Variants in AGBL4 observed in about 807,000 individuals in gnomAD.
AGBL4 encodes the protein AGBL carboxypeptidase 4, also known as cytosolic carboxypeptidase 6.
AGBL4 carries 58 observed loss-of-function variants against 66.4 expected under a neutral mutation model. That is an observed-to-expected ratio of 0.87 (90% confidence interval 0.71 to 1.09). The LOEUF (loss-of-function observed/expected upper bound fraction) is 1.09, where lower values mean the gene tolerates loss of function less well. AGBL4 is among the 50% of genes least tolerant of loss of function. The pLI, the probability that AGBL4 is intolerant of heterozygous loss-of-function variation, is 0.00. For synonymous variants in AGBL4, 234 were observed against 222.9 expected (o/e 1.05, Z -0.44); for missense variants, 579 against 631.0 (o/e 0.92, Z 0.88).
At chr1:49,044,776 A>T (rs1175657405) in intron 5 of AGBL4, among the ~76,000 whole-genome samples, 1 of 152,180 alleles carries the variant, frequency 6.6e-6, no homozygotes, top group African/African-American at 2.4e-5. Context: ...ATAGCTCTCA[A>T]GATGGAAGGG....
chr1:48,802,100 C>G (rs1298672332), intron 6 of AGBL4, among the ~76,000 whole-genome samples: 5 of 152,118 alleles, frequency 3.3e-5, no homozygotes, highest in Non-Finnish European at 7.3e-5. Context: ...AGGATGGAGG[C>G]CAGGCTCCTT....
At chr1:49,403,517 G>A (rs1375363022) in intron 3 of AGBL4, among the ~76,000 whole-genome samples, 3 of 151,904 alleles carry the variant, frequency 2.0e-5, no homozygotes, top group Non-Finnish European at 4.4e-5. Flanking sequence ...ATTTCTTTTA[G>A]TTTCCTCAAA....
intron 3 of AGBL4, chr1:49,423,186 G>T (rs1310248600): frequency 6.6e-6 from 1 of 152,154 alleles, no homozygotes; most frequent in African/African-American, 2.4e-5. Flanking sequence ...AGGTTTGGGG[G>T]TTGTTTGTTG....
intron 8 of AGBL4, among the ~76,000 whole-genome samples, chr1:48,648,278 TC>T (rs1441394472): frequency 1.3e-5 from 2 of 152,220 alleles, no homozygotes; most frequent in African/African-American, 4.8e-5. Flanking sequence ...ATGAATTTGA[TC>T]ACTTGAAGAA....
intron 5 of AGBL4, among the ~76,000 whole-genome samples, chr1:49,005,022 T>G (rs1173692761): frequency 6.6e-6 from 1 of 152,148 alleles, no homozygotes; most frequent in African/African-American, 2.4e-5. Flanking sequence ...GACATGGGAA[T>G]GGGTATAGGC....
At chr1:49,546,498 T>A (rs1652502282) in intron 3 of AGBL4, among the ~76,000 whole-genome samples, 1 of 152,150 alleles carries the variant, frequency 6.6e-6, no homozygotes, top group Admixed American at 6.5e-5. Context: ...CTTTTTTGTA[T>A]AATGACTTCT....
chr1:48,759,239 C>G (rs750979533), intron 6 of AGBL4: 1 of 1,591,788 alleles, frequency 6.3e-7, no homozygotes, highest in Admixed American at 1.8e-5. Flanking sequence ...ACCACTGCCT[C>G]GATGCTCTTG....
At chr1:48,961,111 G>A (rs1346448070) in intron 5 of AGBL4, among the ~76,000 whole-genome samples, 4 of 151,498 alleles carry the variant, frequency 2.6e-5, no homozygotes, top group Admixed American at 2.0e-4. Flanking sequence ...GTGTGTGCGT[G>A]TATGTGTGTG....
At chr1:48,639,819 C>G (rs1332522708) in intron 8 of AGBL4, among the ~76,000 whole-genome samples, 1 of 152,188 alleles carries the variant, frequency 6.6e-6, no homozygotes, top group Non-Finnish European at 1.5e-5. Context: ...ATGCATATTT[C>G]TAACAGGCTG....
rs1040375160 is a variant in AGBL4, at chr1:49,759,764, G to A, written c.158-62327C>T. ...AATGAGGTATATCCAAACAATGGAC[G>A]ATGATTCAGCCATAAACACAAAGTG... On this transcript the variant is annotated intron_variant, in intron 2 of 13. Coordinates refer to ENST00000371839, the MANE Select transcript of AGBL4 (RefSeq NM_032785.4). Among the ~76,000 whole-genome samples, 12 of 152,252 alleles carry A rather than the reference G, an allele frequency of 7.9e-5. No individual in the cohort carries two copies. The East Asian group carries it at 1.9e-3, about 24-fold the overall frequency.
intron 11 of AGBL4, among the ~76,000 whole-genome samples, chr1:48,583,286 C>T (rs1644767630): frequency 6.6e-6 from 1 of 152,218 alleles, no homozygotes; most frequent in Non-Finnish European, 1.5e-5. Flanking sequence ...TCACATAAAC[C>T]TTTTCAATGT....
At chr1:48,948,596 A>G (rs1024290524) in intron 5 of AGBL4, among the ~76,000 whole-genome samples, 14 of 152,190 alleles carry the variant, frequency 9.2e-5, no homozygotes, top group Non-Finnish European at 1.5e-5. Flanking sequence ...TCTGAAATTT[A>G]TATCATCTAT....
At chr1:49,449,472 G>A (rs186460077) in intron 3 of AGBL4, among the ~76,000 whole-genome samples, 2 of 152,138 alleles carry the variant, frequency 1.3e-5, no homozygotes, top group Admixed American at 6.5e-5. Context: ...CATCTCAGAA[G>A]GCATATTCCC....
chr1:49,788,049 C>G (rs1435709079), intron 2 of AGBL4, among the ~76,000 whole-genome samples: 1 of 152,148 alleles, frequency 6.6e-6, no homozygotes, highest in Non-Finnish European at 1.5e-5. Context: ...AGGCAAAGGC[C>G]GGTCACACAA....
At chr1:49,024,969 T>TTC (rs1663538798) in intron 5 of AGBL4, among the ~76,000 whole-genome samples, 1 of 152,116 alleles carries the variant, frequency 6.6e-6, no homozygotes, top group African/African-American at 2.4e-5. Flanking sequence ...AATAGGGGGT[T>TTC]TCTCTGGATA....
chr1:49,411,187 G>A (rs946504332), intron 3 of AGBL4, among the ~76,000 whole-genome samples: 1 of 152,156 alleles, frequency 6.6e-6, no homozygotes, highest in South Asian at 2.1e-4. Context: ...GCAAATCACT[G>A]GTGTAAATCC....
intron 5 of AGBL4, among the ~76,000 whole-genome samples, chr1:49,040,516 C>A (rs1270070603): frequency 2.0e-5 from 3 of 152,032 alleles, no homozygotes; most frequent in Non-Finnish European, 4.4e-5. Context: ...ATCATAGCAG[C>A]ATTATTCATA....
intron 2 of AGBL4, chr1:49,845,038 A>C: frequency 6.9e-7 from 1 of 1,441,618 alleles, no homozygotes; most frequent in Non-Finnish European, 9.5e-7. Context: ...GCCAGACCTA[A>C]ATGCTCTACA....
intron 5 of AGBL4, among the ~76,000 whole-genome samples, chr1:48,877,973 G>A (rs774414276): frequency 3.9e-5 from 6 of 152,116 alleles, no homozygotes; most frequent in Non-Finnish European, 7.4e-5. Context: ...TCTCTAAAAT[G>A]AGGACTAAAT....
Sources: gnomAD v4.1 joint callset for allele counts (sites outside exome capture counted in the v4.1 genomes callset) on GRCh38, gnomAD v4.1.1 for gene constraint, MANE v1.5 for transcripts, NCBI Gene and HGNC (gene_info 2026-07-23, HGNC 2026-07-21) for gene names.